IL34: variants seen among roughly 807,000 people sequenced by gnomAD.
IL34 encodes interleukin-34.
Under a neutral mutation model 25.3 loss-of-function variants are expected in IL34, and 17 were observed. The observed-to-expected ratio is 0.67, with a 90% CI of 0.46 to 1.01. The LOEUF (loss-of-function observed/expected upper bound fraction) is 1.01. Ranked by LOEUF, IL34 falls within the 50% of genes least tolerant of loss-of-function variation. The pLI, the probability that IL34 is intolerant of heterozygous loss-of-function variation, is 0.00. For synonymous variants in IL34, 174 were observed against 140.9 expected, an observed-to-expected ratio of 1.23 and a Z score of -1.66; for missense variants, 368 against 312.9, an observed-to-expected ratio of 1.18 and a Z score of -1.33.
At chr16:70,615,773 G>C (rs1239150983) in intron 1 of IL34, among the ~76,000 whole-genome samples, 1 of 152,106 alleles carries the variant, frequency 6.6e-6, no homozygotes, top group African/African-American at 2.4e-5. Flanking sequence ...GCAACACAGT[G>C]AAATCCCATC....
At chr16:70,647,391 C>A (rs576611268) in intron 1 of IL34, among the ~76,000 whole-genome samples, 1 of 152,046 alleles carries the variant, frequency 6.6e-6, no homozygotes, top group South Asian at 2.1e-4. Flanking sequence ...AGAAGAGCAG[C>A]CAGATGCCTG....
In IL34 at chr16:70,611,842, TTAAATAAA is replaced by T. The variant is rs547858093; in HGVS notation, c.-401+31812_-401+31819del. Among the ~76,000 whole-genome samples, 1,315 of 151,546 alleles carry T rather than the reference TTAAATAAA, an allele frequency of 8.7e-3. 10 individuals carry two copies. The highest frequency in any genetic ancestry group is 0.01 in the Non-Finnish European group (701 of 67,856). Reference sequence around the variant, plus strand: ...CTGGGTGACAGAGCAAGACTCTGTCTTAAATAAATAAATAAATAAATAAATAGCTGGAT... The same window carrying T: ...CTGGGTGACAGAGCAAGACTCTGTCTTAAATAAATAAATAAATAGCTGGAT... On this transcript the variant is annotated intron_variant, in intron 1 of 6. Transcript: ENST00000429149.
chr16:70,633,832 C>T (rs556719789), intron 1 of IL34, among the ~76,000 whole-genome samples: 17 of 151,906 alleles, frequency 1.1e-4, no homozygotes, highest in African/African-American at 3.9e-4. Flanking sequence ...TCAATCATCA[C>T]GTGGTCTTCT....
At chr16:70,621,075 G>T (rs2051271305) in intron 1 of IL34, among the ~76,000 whole-genome samples, 1 of 152,110 alleles carries the variant, frequency 6.6e-6, no homozygotes, top group Admixed American at 6.5e-5. Context: ...AAGCAATTAG[G>T]GGGTTCTTGC....
intron 1 of IL34, among the ~76,000 whole-genome samples, chr16:70,634,537 G>A (rs946775527): frequency 6.6e-6 from 1 of 152,054 alleles, no homozygotes; most frequent in Admixed American, 6.6e-5. Flanking sequence ...AAAATTAGCT[G>A]GGTGTGGTGG....
intron 1 of IL34, among the ~76,000 whole-genome samples, chr16:70,583,102 GT>G (rs1325048372): frequency 1.3e-5 from 2 of 152,030 alleles, no homozygotes; most frequent in Non-Finnish European, 2.9e-5. Context: ...ATGACAAGGA[GT>G]TTTTTGTTGT....
upstream of IL34, among the ~76,000 whole-genome samples, chr16:70,642,258 A>G (rs1021836061): frequency 1.3e-5 from 2 of 149,000 alleles, no homozygotes; most frequent in African/African-American, 2.5e-5. Context: ...GAGAGAGACA[A>G]AGACAGAGAC....
rs559678912 is a variant in IL34 at position 70,647,030 on chromosome 16, A to G, written c.28+55A>G. ...CATTGGGAGGCCTTGGCCTAGATCC[A>G]GGATCTGCCGTAACCATAGCAACCA... On this transcript the variant is annotated intron_variant, in intron 1 of 5. Coordinates refer to ENST00000288098, the MANE Select transcript of IL34 (RefSeq NM_001393494.1). 8 of 1,396,418 alleles carry G rather than the reference A, an allele frequency of 5.7e-6. No individual in the cohort carries two copies. In the East Asian group the frequency reaches 1.5e-4, roughly 27 times the overall value. The allele number at this position is 1,396,418 out of a possible 1,614,324, so 86.5% of individuals were successfully genotyped here. A position where few individuals can be genotyped will look rare whatever the true frequency, so the allele number is the denominator to read the frequency against.
At chr16:70,634,100 C>G (rs1398311051) in intron 1 of IL34, among the ~76,000 whole-genome samples, 1 of 152,066 alleles carries the variant, frequency 6.6e-6, no homozygotes, top group African/African-American at 2.4e-5. Flanking sequence ...ATCTGCCCGC[C>G]TCGGCCTCCC....
intron 1 of IL34, among the ~76,000 whole-genome samples, chr16:70,653,615 T>G (rs750125505): frequency 6.6e-6 from 1 of 152,090 alleles, no homozygotes; most frequent in Non-Finnish European, 1.5e-5. Flanking sequence ...GAAGGATCGC[T>G]TGAGTCTGGG....
intron 5 of IL34, 107 bp from the exon 6 acceptor site, chr16:70,659,890 G>T: frequency 6.8e-7 from 1 of 1,479,070 alleles, no homozygotes; most frequent in African/African-American, 1.4e-5. Flanking sequence ...TGGAAGCCAG[G>T]ATGGGCCCTG....
chr16:70,654,765 G>C, intron 2 of IL34, 94 bp downstream of exon 2: 1 of 1,461,938 alleles, frequency 6.8e-7, no homozygotes, highest in East Asian at 2.3e-5. Flanking sequence ...CTTAGGACCT[G>C]TGTCAGCCCT....
chr16:70,655,023 T>C (rs192107449), intron 2 of IL34, among the ~76,000 whole-genome samples: 159 of 152,168 alleles, frequency 1.0e-3, no homozygotes, highest in Non-Finnish European at 1.8e-3. Flanking sequence ...TTGGTTCTTT[T>C]TGCAGAGTGG....
intron 1 of IL34, among the ~76,000 whole-genome samples, chr16:70,613,539 T>C (rs551432234): frequency 2.0e-5 from 3 of 152,292 alleles, no homozygotes; most frequent in African/African-American, 7.2e-5. Flanking sequence ...AAGTGTGGTC[T>C]GCAGACCAGT....
intron 1 of IL34, among the ~76,000 whole-genome samples, chr16:70,585,428 C>CA (rs752630585): frequency 1.1e-4 from 16 of 151,758 alleles, no homozygotes; most frequent in South Asian, 8.5e-4. Context: ...CGCGGTGGCT[C>CA]ACGCCTGTAA....
At chr16:70,591,090 C>T (rs982943789) in intron 1 of IL34, among the ~76,000 whole-genome samples, 40 of 152,382 alleles carry the variant, frequency 2.6e-4, no homozygotes, top group African/African-American at 8.9e-4. Flanking sequence ...GGCTCCGTGT[C>T]ACTCAGTGCC....
intron 1 of IL34, among the ~76,000 whole-genome samples, chr16:70,622,835 T>C (rs1365891982): frequency 6.6e-6 from 1 of 152,050 alleles, no homozygotes; most frequent in Non-Finnish European, 1.5e-5. Flanking sequence ...GAGCATAGTT[T>C]GCGATTTTTA....
At chr16:70,601,203 C>T (rs1332857927) in intron 1 of IL34, among the ~76,000 whole-genome samples, 1 of 152,140 alleles carries the variant, frequency 6.6e-6, no homozygotes, top group African/African-American at 2.4e-5. Context: ...CAGCATTCCT[C>T]CTCTCCATTC....
intron 1 of IL34, among the ~76,000 whole-genome samples, chr16:70,630,404 G>T (rs1369384902): frequency 6.7e-6 from 1 of 148,632 alleles, no homozygotes; most frequent in African/African-American, 2.5e-5. Flanking sequence ...GCTAAGTTTT[G>T]TATTTTTAGT....
Sources: allele counts gnomAD v4.1 joint callset (sites outside exome capture counted in the v4.1 genomes callset), GRCh38; gene constraint gnomAD v4.1.1; transcripts MANE v1.5; gene names NCBI Gene and HGNC (gene_info 2026-07-23, HGNC 2026-07-21).